RPL31: variants seen among roughly 807,000 people sequenced by gnomAD.
RPL31 encodes the protein large ribosomal subunit protein eL31.
For missense variants in RPL31, 95 were observed against 164.0 expected (o/e 0.58, Z 2.30); for synonymous variants, 51 against 55.0 (o/e 0.93, Z 0.32).
Position 101,004,225 on chromosome 2 carries a change from A to G in RPL31, c.175A>G (p.Thr59Ala). Residue 59 changes from threonine (T) to alanine (A), a missense_variant, in exon 3 of 5, where the codon ACT (threonine) becomes GCT (alanine). Physicochemically the swap from Thr to Ala is moderately conservative, Grantham distance 58. Transcript: ENST00000264258. ...GAAATTTGCCATGAAGGAGATGGGA[A>G]CTCCAGATGTGCGCATTGACACCAG... ...IRKFAMKEMG[T>A]PDVRIDTRLN... is the part of the protein sequence containing the mutation. 6.2e-7 allele frequency: 1 copy of G among 1,613,884 alleles called. No homozygotes were observed. Among genetic ancestry groups the G allele is most frequent in the Non-Finnish European group, 8.5e-7 (1 of 1,179,918 alleles).
intron 4 of RPL31, among the ~76,000 whole-genome samples, chr2:101,014,545 C>T (rs1679471687): frequency 6.6e-6 from 1 of 152,108 alleles, no homozygotes; most frequent in African/African-American, 2.4e-5. Flanking sequence ...TGTTTTTTCC[C>T]TGAGGGAGGC....
exon 5 of RPL31, chr2:101,019,135 C>T (rs1383793437): frequency 8.6e-6 from 13 of 1,505,730 alleles, no homozygotes; most frequent in South Asian, 1.2e-5. Flanking sequence ...TCACCGAGGA[C>T]GTCTGTCTCC....
At position 101,002,828 on chromosome 2, in the gene RPL31, C is replaced by T; in HGVS notation, c.107+20C>T. The T allele has an allele frequency of 1.3e-6, 2 of 1,572,308 alleles. No individual in the cohort carries two copies. The highest frequency in any genetic ancestry group is 1.8e-6 in the Non-Finnish European group (2 of 1,141,982). ...TGGAGTGTGAGTATCCCTCTAGCCGCCCTGGGTCTCGAACTCACGCGTCTG... is the reference window on the plus strand; with the variant it reads ...TGGAGTGTGAGTATCCCTCTAGCCGTCCTGGGTCTCGAACTCACGCGTCTG... On this transcript the variant is annotated intron_variant, in intron 2 of 4. Coordinates refer to ENST00000264258, the MANE Select transcript of RPL31 (RefSeq NM_000993.5).
At chr2:101,017,956 G>A (rs970771034) in intron 4 of RPL31, 17 of 1,549,140 alleles carry the variant, frequency 1.1e-5, no homozygotes, top group Non-Finnish European at 1.5e-5. Context: ...TCTACTTGGT[G>A]AAAAGTCATT....
Position 101,006,706 on chromosome 2 carries a change from T to G in RPL31, c.*325T>G, listed in dbSNP as rs1054902746. The stretch of plus-strand genomic sequence containing the variant: ...GTAGAATCCAGTTGCCATTGACATC[T>G]TAACATTTTAGGAAACAACTTTAAA... On this transcript the variant is annotated 3_prime_UTR_variant, in exon 5 of 5. Transcript: ENST00000264258. 7.1e-6 allele frequency: 2 copies of G among 282,948 alleles called. No homozygotes were observed. The highest frequency in any genetic ancestry group is 1.3e-5 in the Non-Finnish European group (2 of 153,482). 17.5% of individuals were successfully genotyped at this position (282,948 alleles called of 1,614,324 possible). A position where few individuals can be genotyped will look rare whatever the true frequency, so the allele number is the denominator to read the frequency against.
chr2:101,018,632 G>C (rs1679829399), intron 4 of RPL31, among the ~76,000 whole-genome samples: 1 of 152,080 alleles, frequency 6.6e-6, no homozygotes, highest in Non-Finnish European at 1.5e-5. Context: ...GAGCCTATCT[G>C]TGAATAAAAT....
chr2:101,017,805 T>C, intron 4 of RPL31: 9 of 1,542,198 alleles, frequency 5.8e-6, no homozygotes, highest in Non-Finnish European at 7.9e-6. Flanking sequence ...CTTTTTAATA[T>C]TAGTTTTCAT....
chr2:101,019,074 C>G lies in RPL31; in HGVS notation c.*36C>G, dbSNP rs770241299. On this transcript the variant is annotated 3_prime_UTR_variant, in exon 5 of 5. Transcript: ENST00000409028. ...CCTGGAAGTGGATGAGGCCTTGGGT[C>G]TCGGCTCTTCATTGCTTCCTGAGCT... 6 of 1,597,482 alleles carry G rather than the reference C, an allele frequency of 3.8e-6. No individual in the cohort carries two copies. In the Admixed American group the frequency reaches 8.7e-5, roughly 23 times the overall value.
Position 101,006,221 on chromosome 2 carries a change from A to C in RPL31, c.347-129A>C. 3 of 1,512,216 alleles carry C rather than the reference A, an allele frequency of 2.0e-6. No homozygotes were observed. The South Asian group carries it at 4.0e-5, about 20-fold the overall frequency. 93.7% of individuals were successfully genotyped at this position (1,512,216 alleles called of 1,614,324 possible). On this transcript the variant is annotated intron_variant, in intron 4 of 4. Coordinates refer to ENST00000264258, the MANE Select transcript of RPL31 (RefSeq NM_000993.5). ...GTGGGAAGATGCTAAAGAATGCAAA[A>C]CTGATCCATATCTGGGATGTAAAAA... is the stretch of plus-strand genomic sequence containing the variant.
At chr2:101,016,815 A>G (rs1248686753) in intron 4 of RPL31, among the ~76,000 whole-genome samples, 1 of 152,134 alleles carries the variant, frequency 6.6e-6, no homozygotes, top group Non-Finnish European at 1.5e-5. Flanking sequence ...TCAGTAAACT[A>G]TCACAAGGAC....
intron 4 of RPL31, among the ~76,000 whole-genome samples, chr2:101,012,689 T>G (rs1276216172): frequency 6.6e-6 from 1 of 151,882 alleles, no homozygotes; most frequent in Admixed American, 6.6e-5. Flanking sequence ...GCGTGAAATA[T>G]ATCTCAATAA....
downstream of RPL31, chr2:101,011,034 C>T (rs1679170257): frequency 6.2e-7 from 1 of 1,608,866 alleles, no homozygotes; most frequent in South Asian, 1.1e-5. Context: ...CACCTTGAAA[C>T]AAAGGAAAAC....
chr2:101,003,042 A>T (rs956932217), intron 2 of RPL31, among the ~76,000 whole-genome samples: 8 of 152,204 alleles, frequency 5.3e-5, no homozygotes, highest in Non-Finnish European at 1.0e-4. Flanking sequence ...TGCGGACAGC[A>T]GCAGCTCCCT....
downstream of RPL31, chr2:101,011,281 C>T (rs1338932462): frequency 5.4e-6 from 4 of 740,668 alleles, no homozygotes; most frequent in African/African-American, 5.3e-5. Context: ...CACCCAGCAA[C>T]ACCCCCACTA....
downstream of RPL31, among the ~76,000 whole-genome samples, chr2:101,010,416 C>A (rs1170898343): frequency 1.3e-5 from 2 of 152,138 alleles, no homozygotes; most frequent in Non-Finnish European, 2.9e-5. Flanking sequence ...TACAAAAACT[C>A]CTCAAAGATG....
intron 4 of RPL31, among the ~76,000 whole-genome samples, chr2:101,017,009 G>A (rs902854004): frequency 6.6e-6 from 1 of 151,538 alleles, no homozygotes; most frequent in African/African-American, 2.4e-5. Context: ...ACACCAGCAT[G>A]GCACATGTAT....
At chr2:101,008,522 A>AAAC (rs1678921411), downstream of RPL31, among the ~76,000 whole-genome samples, 1 of 152,194 alleles carries the variant, frequency 6.6e-6, no homozygotes, top group Admixed American at 6.5e-5. Context: ...GCAATTCAAG[A>AAAC]AACCACAGCA....
chr2:101,006,093 G>A, intron 4 of RPL31, 22 bp downstream of exon 4: 1 of 1,608,590 alleles, frequency 6.2e-7, no homozygotes, highest in East Asian at 2.2e-5. Flanking sequence ...ATCCCATAAA[G>A]CCATTTAAAT....
intron 4 of RPL31, among the ~76,000 whole-genome samples, chr2:101,016,161 C>T (rs752648037): frequency 1.1e-4 from 17 of 152,194 alleles, no homozygotes; most frequent in South Asian, 4.1e-4. Context: ...AGAAAATTTT[C>T]GCAACCTACT....
Sources: gnomAD v4.1 joint callset for allele counts (sites outside exome capture counted in the v4.1 genomes callset) on GRCh38, gnomAD v4.1.1 for gene constraint, MANE v1.5 for transcripts, NCBI Gene and HGNC (gene_info 2026-07-23, HGNC 2026-07-21) for gene names.